UBA7: variants seen among roughly 807,000 people sequenced by gnomAD.
UBA7 encodes ubiquitin-like modifier-activating enzyme 7.
UBA7 carries 88 observed loss-of-function variants against 113.0 expected under a neutral mutation model. The ratio of observed to expected loss-of-function variants is 0.78; its 90% CI spans 0.66 to 0.93. The LOEUF (loss-of-function observed/expected upper bound fraction) is 0.93, where lower values mean the gene tolerates loss of function less well. UBA7 is among the 40% of genes least tolerant of loss of function. UBA7 has a pLI of 0.00. For missense variants in UBA7, 1,092 were observed against 1,266.4 expected (o/e 0.86, Z 2.09); for synonymous variants, 459 against 513.0 (o/e 0.89, Z 1.42).
In UBA7 at chr3:49,807,223, A is replaced by G. The variant is rs1559431931; in HGVS notation, c.2715+513T>C. 6.6e-6 allele frequency among the ~76,000 whole-genome samples: 1 copy of G among 152,184 alleles called. No individual in the cohort carries two copies. Among genetic ancestry groups the G allele is most frequent in the Non-Finnish European group, 1.5e-5 (1 of 68,026 alleles). On this transcript the variant is annotated intron_variant, in intron 21 of 23. Transcript: ENST00000333486. This position sits in a 1 kb window ranked among gnomAD's most constrained non-coding sequence, Gnocchi z 4.0. ...ACAGATGTGCAAACTTGCTCCTTCC[A>G]TACCCACACTCCGGGGATGCCCAGA...
At chr3:49,805,731 G>A (rs1469375218) in intron 23 of UBA7, among the ~76,000 whole-genome samples, 166 bp downstream of exon 23, 3 of 152,114 alleles carry the variant, frequency 2.0e-5, no homozygotes, top group Non-Finnish European at 2.9e-5. Context: ...TCAGGCTCTC[G>A]GCCCTCACCC....
rs1284253142 is a variant in UBA7 at position 49,812,179 on chromosome 3, G to A, written c.722C>T (p.Thr241Ile). 6.2e-7 allele frequency: 1 copy of A among 1,614,204 alleles called. No homozygotes were observed. The highest frequency in any genetic ancestry group is 8.5e-7 in the Non-Finnish European group (1 of 1,180,042). Residue 241 changes from threonine (T) to isoleucine (I), a missense_variant, in exon 7 of 24, where the codon ACA becomes ATA. Thr to Ile is a moderately conservative substitution (Grantham distance 89). Coordinates refer to ENST00000333486, the MANE Select transcript of UBA7 (RefSeq NM_003335.3). ...ACGCAAGTACCGAGAGAAAGTTGTT[G>A]TGTCTCCAATCTCCAGGGACCCATC... Reference protein sequence around the residue: ...REDGSLEIGDTTTFSRYLRGG... With the variant: ...REDGSLEIGDITTFSRYLRGG...
Position 49,809,823 on chromosome 3 carries a change from G to A in UBA7, c.1896C>T (p.His632=). The A allele has an allele frequency of 6.2e-7, 1 of 1,614,194 alleles. No homozygotes were observed. Among genetic ancestry groups the A allele is most frequent in the South Asian group, 1.1e-5 (1 of 91,082 alleles). Residue 632 remains histidine (H), a synonymous_variant, in exon 15 of 24, where the codon CAC becomes CAT. Transcript: ENST00000333486. ...TCTGTTGGTGGCCTTACTGTTGGTG[G>A]TGGTTGATGGTCTCTGCAGACAGTC... The part of the protein sequence containing the change: ...LFRLSAETIN[H]HQQAHTSLAD...
chr3:49,808,176 G>T (rs775362741), intron 19 of UBA7, 64 bp from the exon 20 acceptor site: 2 of 1,585,694 alleles, frequency 1.3e-6, no homozygotes, highest in Non-Finnish European at 1.7e-6. Flanking sequence ...GGCCCACTGC[G>T]TGTCACTGCA....
intron 23 of UBA7, 43 bp downstream of exon 23, chr3:49,805,854 C>G (rs375426236): frequency 1.2e-5 from 19 of 1,529,908 alleles, no homozygotes; most frequent in Non-Finnish European, 1.7e-5. Context: ...GCCCCAGCCT[C>G]CAGGGACTGG....
At position 49,810,684 on chromosome 3, in the gene UBA7, A is replaced by T. The variant is rs754154437; in HGVS notation, c.1312-12T>A. On this transcript the variant is annotated splice_polypyrimidine_tract_variant and intron_variant, in intron 11 of 23. Transcript: ENST00000333486. The surrounding 1 kb of genome is among the most constrained non-coding windows in gnomAD (Gnocchi z 5.6). ...GCACCAGCGCCCACCTGTTGGCAGG[A>T]ACAGCCTTAGCCAGAGGGGCTGGGC... The T allele has an allele frequency of 1.9e-5, 31 of 1,614,084 alleles. No individual in the cohort carries two copies. The highest frequency in any genetic ancestry group is 2.5e-5 in the Non-Finnish European group (29 of 1,179,954).
rs2081556694 is a variant in UBA7 at position 49,812,106 on chromosome 3, C to G, written c.792+3G>C. 9 of 1,614,214 alleles carry G rather than the reference C, an allele frequency of 5.6e-6. No individual in the cohort carries two copies. Among genetic ancestry groups the G allele is most frequent in the African/African-American group, 1.3e-5 (1 of 75,048 alleles). On this transcript the variant is annotated splice_donor_region_variant and intron_variant, in intron 7 of 23. Coordinates refer to ENST00000333486, the MANE Select transcript of UBA7 (RefSeq NM_003335.3). ...CCCCTACCTCAGATGCACTTGCACT[C>G]ACATGTCTCACAGTCTTGGGTCTCT...
chr3:49,809,547 T>G lies in UBA7; in HGVS notation c.2083A>C (p.Asn695His). 6.2e-7 allele frequency: 1 copy of G among 1,614,012 alleles called. No individual in the cohort carries two copies. Among genetic ancestry groups the G allele is most frequent in the Non-Finnish European group, 8.5e-7 (1 of 1,179,986 alleles). The change falls in exon 16 of 24, where the codon AAT becomes CAT. Residue 695 changes from asparagine to histidine, a missense_variant. Asn to His is a moderately conservative substitution (Grantham distance 68). This residue lies in a region of UBA7 where 500 missense variants were observed against 529.3 expected (regional missense o/e 0.94). Transcript: ENST00000333486. ...IKQLLRHFPP[N>H]KVLEDGTPFW... ...CCCAACCCCTAGCCACACACTTTAT[T>G]AGGTGGGAAGTGCCTCAGCAGCTGT...
chr3:49,810,320 C>T lies in UBA7; in HGVS notation c.1576G>A (p.Asp526Asn). 1.9e-6 allele frequency: 3 copies of T among 1,614,170 alleles called. No individual in the cohort carries two copies. The highest frequency in any genetic ancestry group is 1.1e-5 in the South Asian group (1 of 91,086). ...CCATCCACACGGGAGAAAAAGTTAT[C>T]CCCATAGATGTGCTCTGTGGTGGGA... The part of the protein sequence containing the change: ...LDPTTEHIYG[D>N]NFFSRVDGVA... The change falls in exon 13 of 24, where the codon GAT becomes AAT. Residue 526 changes from aspartate to asparagine, a missense_variant. Asp to Asn is a conservative substitution (Grantham distance 23, BLOSUM62 1). Coordinates refer to ENST00000333486, the MANE Select transcript of UBA7 (RefSeq NM_003335.3). The surrounding 1 kb of genome is among the most constrained non-coding windows in gnomAD (Gnocchi z 5.6).
In UBA7 at chr3:49,812,757, G is replaced by T. The variant is rs935737162; in HGVS notation, c.468-19C>A. 3 of 1,613,308 alleles carry T rather than the reference G, an allele frequency of 1.9e-6. No individual in the cohort carries two copies. The African/African-American group carries it at 4.0e-5, about 22-fold the overall frequency. ...CAACTGCCTGAGATGGGGTGGTAGGGGTCACTGAGGTGGCTTACAGATTGT... is the reference window on the plus strand; with the variant it reads ...CAACTGCCTGAGATGGGGTGGTAGGTGTCACTGAGGTGGCTTACAGATTGT... On this transcript the variant is annotated intron_variant, in intron 4 of 23. Coordinates refer to ENST00000333486, the MANE Select transcript of UBA7 (RefSeq NM_003335.3).
Position 49,812,695 on chromosome 3 carries a change from G to A in UBA7, c.511C>T (p.Pro171Ser). 2 of 1,614,188 alleles carry A rather than the reference G, an allele frequency of 1.2e-6. No individual in the cohort carries two copies. The highest frequency in any genetic ancestry group is 1.7e-6 in the Non-Finnish European group (2 of 1,180,044). ...GCTGTCAGGGGTTCTGCCTCTGTGGGGTCCTGCACAGTGAAGTCCTCACCA... is the reference window on the plus strand; with the variant it reads ...GCTGTCAGGGGTTCTGCCTCTGTGGAGTCCTGCACAGTGAAGTCCTCACCA... ...DFGEDFTVQD[P>S]TEAEPLTAAI... The change falls in exon 5 of 24, where the codon CCC becomes TCC. Residue 171 changes from proline (P) to serine (S), a missense_variant. By Grantham distance (74) the Pro-to-Ser change is moderately conservative (BLOSUM62 -1). Transcript: ENST00000333486.
chr3:49,806,134 C>T lies in UBA7; in HGVS notation c.2747G>A (p.Arg916His), dbSNP rs774463918. The T allele has an allele frequency of 3.6e-5, 58 of 1,602,670 alleles. No individual in the cohort carries two copies. In the South Asian group the frequency reaches 3.7e-4, roughly 10 times the overall value. Residue 916 changes from arginine (R) to histidine (H), a missense_variant, in exon 22 of 24, where the codon CGT becomes CAT. Physicochemically the swap from Arg to His is conservative, Grantham distance 29. This residue lies in a region of UBA7 where 500 missense variants were observed against 529.3 expected (regional missense o/e 0.94). Coordinates refer to ENST00000333486, the MANE Select transcript of UBA7 (RefSeq NM_003335.3). ...FHHLKWTSWD[R>H]LKVPAGQPER... ...AGGCTGCCCAGCTGGTACCTTCAGACGGTCCCAAGAGGTCCACTTCAGGTG... is the reference window on the plus strand; with the variant it reads ...AGGCTGCCCAGCTGGTACCTTCAGATGGTCCCAAGAGGTCCACTTCAGGTG...
At position 49,810,174 on chromosome 3, in the gene UBA7, A is replaced by G; in HGVS notation, c.1643T>C (p.Val548Ala). The G allele has an allele frequency of 1.2e-6, 2 of 1,613,266 alleles. No individual in the cohort carries two copies. Among genetic ancestry groups the G allele is most frequent in the Non-Finnish European group, 1.7e-6 (2 of 1,179,870 alleles). The part of the protein sequence containing the change: ...ALDSFQARRY[V>A]AARCTHYLKP... ...CAGATAGTGGGTGCAACGAGCAGCC[A>G]CATAGCGCCCTGGCAAGGGAGCAGT... is the stretch of plus-strand genomic sequence containing the variant. Residue 548 changes from valine (V) to alanine (A), a missense_variant, in exon 14 of 24, where the codon GTG (valine) becomes GCG (alanine). Physicochemically the swap from Val to Ala is moderately conservative, Grantham distance 64. Coordinates refer to ENST00000333486, the MANE Select transcript of UBA7 (RefSeq NM_003335.3). The surrounding 1 kb of genome is among the most constrained non-coding windows in gnomAD (Gnocchi z 5.6).
Position 49,810,914 on chromosome 3 carries a change from G to A in UBA7, c.1230+70C>T. 1 of 1,610,350 alleles carries A rather than the reference G, an allele frequency of 6.2e-7. No individual in the cohort carries two copies. The highest frequency in any genetic ancestry group is 8.5e-7 in the Non-Finnish European group (1 of 1,176,722). On this transcript the variant is annotated intron_variant, in intron 10 of 23. Coordinates refer to ENST00000333486, the MANE Select transcript of UBA7 (RefSeq NM_003335.3). This position sits in a 1 kb window ranked among gnomAD's most constrained non-coding sequence, Gnocchi z 5.6. ...TGAGTTTTCTGAATCAGGACCTGGA[G>A]GGCATTCCTCATGCTTCTCCCCTAG...
At position 49,810,795 on chromosome 3, in the gene UBA7, C is replaced by T. The variant is rs1370486874; in HGVS notation, c.1268G>A (p.Gly423Glu). 1.9e-6 allele frequency: 3 copies of T among 1,614,010 alleles called. No homozygotes were observed. The highest frequency in any genetic ancestry group is 2.5e-6 in the Non-Finnish European group (3 of 1,180,032). Residue 423 changes from glycine to glutamate, a missense_variant, in exon 11 of 24, where the codon GGG becomes GAG. Transcript: ENST00000333486. This position sits in a 1 kb window ranked among gnomAD's most constrained non-coding sequence, Gnocchi z 5.6. ...TCTCAGTTTCTCCTGAAAACCAGCCCCAAACACTGCAATTTGCCCATCATA... is the reference window on the plus strand; with the variant it reads ...TCTCAGTTTCTCCTGAAAACCAGCCTCAAACACTGCAATTTGCCCATCATA... The part of the protein sequence containing the change: ...SRYDGQIAVF[G>E]AGFQEKLRRQ...
In UBA7 at chr3:49,810,725, C is replaced by CA; in HGVS notation, c.1311+26dup. On this transcript the variant is annotated intron_variant, in intron 11 of 23. Transcript: ENST00000333486. The surrounding 1 kb of genome is among the most constrained non-coding windows in gnomAD (Gnocchi z 5.6). ...GGGGCTGGGCTGGCTCTCCCAAAGG[C>CA]ACCCCCAGTCTCACCCCACAGCTCA... The CA allele has an allele frequency of 6.2e-7, 1 of 1,614,134 alleles. No individual in the cohort carries two copies. The highest frequency in any genetic ancestry group is 8.5e-7 in the Non-Finnish European group (1 of 1,179,988).
rs761710859 is a variant in UBA7, at chr3:49,813,169, C to T, written c.361-1G>A. ...GCTTTGCAGCAGTCAGCACCACCAC[C>T]TGGGTGGACACAGTGATCAGCAGGG... On this transcript the variant is annotated splice_acceptor_variant, in intron 3 of 23. Transcript: ENST00000333486. LOFTEE classifies it high-confidence loss of function. 11 of 1,613,886 alleles carry T rather than the reference C, an allele frequency of 6.8e-6. No homozygotes were observed. The highest frequency in any genetic ancestry group is 1.3e-5 in the African/African-American group (1 of 74,944).
At position 49,813,768 on chromosome 3, in the gene UBA7, G is replaced by A; in HGVS notation, c.20C>T (p.Ser7Leu). The A allele has an allele frequency of 5.6e-6, 9 of 1,614,182 alleles. No individual in the cohort carries two copies. The highest frequency in any genetic ancestry group is 7.6e-6 in the Non-Finnish European group (9 of 1,180,024). Residue 7 changes from serine (S) to leucine (L), a missense_variant, in exon 1 of 24, where the codon TCG becomes TTG. Ser to Leu is a moderately radical substitution (Grantham distance 145, BLOSUM62 -2). Around this residue, in one of 3 missense-constraint regions of UBA7, gnomAD observed 584 missense variants for 714.5 expected, o/e 0.82. Transcript: ENST00000333486. Reference protein sequence around the residue: MDALDASKLLDEELYSR... With the variant: MDALDALKLLDEELYSR... ...ATACAGCTCCTCATCCAGTAGCTTC[G>A]AAGCGTCCAGGGCATCCATCCTCAA...
intron 17 of UBA7, 56 bp downstream of exon 17, chr3:49,809,334 C>T: frequency 2.2e-5 from 35 of 1,594,372 alleles, no homozygotes; most frequent in Non-Finnish European, 2.8e-5. Context: ...AAATGCCTAC[C>T]TCTGCTCTGA....
Sources: allele counts gnomAD v4.1 joint callset (sites outside exome capture counted in the v4.1 genomes callset), GRCh38; gene constraint gnomAD v4.1.1; regional missense constraint gnomAD v4.1.1; non-coding constraint Gnocchi (gnomAD v3.1); transcripts MANE v1.5; gene names NCBI Gene and HGNC (gene_info 2026-07-23, HGNC 2026-07-21).